CD4: variants seen among roughly 807,000 people sequenced by gnomAD.
CD4 encodes T-cell surface glycoprotein CD4.
CD4 carries 25 observed loss-of-function variants against 50.5 expected under a neutral mutation model. The observed-to-expected ratio is 0.49, with a 90% confidence interval of 0.36 to 0.69. The LOEUF is 0.69. CD4 is among the 30% of genes least tolerant of loss of function. The probability of loss-of-function intolerance (pLI) is 0.00; values close to 1 mark genes in which losing one functional copy is unlikely to be tolerated. For missense variants in CD4, 456 were observed against 548.5 expected, an observed-to-expected ratio of 0.83 and a Z score of 1.68; for synonymous variants, 207 against 221.9, an observed-to-expected ratio of 0.93 and a Z score of 0.60.
chr12:6,794,009 C>T (rs1942284874), intron 1 of CD4, among the ~76,000 whole-genome samples: 1 of 91,044 alleles, frequency 1.1e-5, no homozygotes, highest in African/African-American at 3.3e-5. Flanking sequence ...TATCTATCAC[C>T]TATCTATCTA....
Position 6,816,289 on chromosome 12 carries a change from C to T in CD4, c.841C>T (p.His281Tyr). 1.9e-6 allele frequency: 3 copies of T among 1,614,222 alleles called. No individual in the cohort carries two copies. Among genetic ancestry groups the T allele is most frequent in the Non-Finnish European group, 2.5e-6 (3 of 1,180,026 alleles). ...KLQMGKKLPL[H>Y]LTLPQALPQY... ...CCAGATGGGCAAGAAGCTCCCGCTCCACCTCACCCTGCCCCAGGCCTTGCC... is the reference window on the plus strand; with the variant it reads ...CCAGATGGGCAAGAAGCTCCCGCTCTACCTCACCCTGCCCCAGGCCTTGCC... The change falls in exon 6 of 10, where the codon CAC becomes TAC. Residue 281 changes from histidine to tyrosine, a missense_variant. Coordinates refer to ENST00000011653, the MANE Select transcript of CD4 (RefSeq NM_000616.5). The surrounding 1 kb of genome is among the most constrained non-coding windows in gnomAD (Gnocchi z 4.9).
intron 1 of CD4, 82 bp from the exon 2 acceptor site, chr12:6,799,990 C>A (rs1185038989): frequency 7.2e-6 from 5 of 691,968 alleles, no homozygotes; most frequent in Non-Finnish European, 7.7e-6. Flanking sequence ...CTGCAAGGGT[C>A]CTGAGGGAGA....
chr12:6,807,185 AAAC>A (rs1555116325), intron 3 of CD4, among the ~76,000 whole-genome samples: 10 of 130 alleles, frequency 0.077, no homozygotes, highest in African/African-American at 0.26. Flanking sequence ...AAAAACAAAC[AAAC>A]AAAAAACATG....
intron 3 of CD4, among the ~76,000 whole-genome samples, chr12:6,813,124 G>A (rs1206308785): frequency 6.6e-6 from 1 of 151,830 alleles, no homozygotes; most frequent in Non-Finnish European, 1.5e-5. Flanking sequence ...AGACTGGAGT[G>A]CAGTGGTGCC....
chr12:6,797,900 C>T (rs1942419085), intron 1 of CD4, among the ~76,000 whole-genome samples: 1 of 152,138 alleles, frequency 6.6e-6, no homozygotes, highest in Non-Finnish European at 1.5e-5. Context: ...AGACAGATGC[C>T]TTCCTCTTAT....
intron 3 of CD4, among the ~76,000 whole-genome samples, chr12:6,810,112 A>C (rs1942893122): frequency 6.6e-6 from 1 of 150,604 alleles, no homozygotes; most frequent in South Asian, 2.1e-4. Context: ...CTGGTCTTGA[A>C]CTCCTGCCCT....
At chr12:6,806,156 T>TACACACAC (rs56979845) in intron 3 of CD4, among the ~76,000 whole-genome samples, 1 of 107,410 alleles carries the variant, frequency 9.3e-6, no homozygotes, top group Non-Finnish European at 2.1e-5. Flanking sequence ...AAAAGGTACA[T>TACACACAC]ACACACACAC....
At chr12:6,800,591 C>T in intron 3 of CD4, 120 bp downstream of exon 3, 1 of 788,182 alleles carries the variant, frequency 1.3e-6, no homozygotes, top group Non-Finnish European at 2.0e-6. Context: ...TTGACAGAAA[C>T]TCAGTGGCAT....
In CD4 at chr12:6,816,788, G is replaced by C. The variant is rs1189134841; in HGVS notation, c.956-342G>C. Among the ~76,000 whole-genome samples the C allele has an allele frequency of 3.3e-5, 5 of 152,162 alleles. No individual in the cohort carries two copies. Among genetic ancestry groups the C allele is most frequent in the Non-Finnish European group, 5.9e-5 (4 of 68,016 alleles). ...TGTCAAGCTCCAAATTGAGTTTCTG[G>C]CTTCCTTATCTCCTTATCATCATAA... is the stretch of plus-strand genomic sequence containing the variant. On this transcript the variant is annotated intron_variant, in intron 6 of 9. Transcript: ENST00000011653. This position sits in a 1 kb window ranked among gnomAD's most constrained non-coding sequence, Gnocchi z 4.9.
At position 6,816,031 on chromosome 12, in the gene CD4, A is replaced by G. The variant is rs782604751; in HGVS notation, c.608-25A>G. 1.9e-5 allele frequency: 31 copies of G among 1,613,536 alleles called. No individual in the cohort carries two copies. The highest frequency in any genetic ancestry group is 2.6e-5 in the Non-Finnish European group (31 of 1,179,896). On this transcript the variant is annotated intron_variant, in intron 5 of 9. Coordinates refer to ENST00000011653, the MANE Select transcript of CD4 (RefSeq NM_000616.5). This position sits in a 1 kb window ranked among gnomAD's most constrained non-coding sequence, Gnocchi z 4.9. ...CCCTCATCTTCCTATCTCCTCACCC[A>G]GGGTCTCTCCCTTCCCACCTCCAGC... is the stretch of plus-strand genomic sequence containing the variant.
intron 1 of CD4, among the ~76,000 whole-genome samples, chr12:6,793,682 ATC>A (rs1565488088): frequency 2.1e-5 from 2 of 95,628 alleles, no homozygotes; most frequent in Admixed American, 1.0e-4. Context: ...CTATCTATCT[ATC>A]TATCTATCTA....
At chr12:6,805,991 A>T (rs978144428) in intron 3 of CD4, among the ~76,000 whole-genome samples, 21 of 151,876 alleles carry the variant, frequency 1.4e-4, no homozygotes, top group Non-Finnish European at 2.2e-4. Flanking sequence ...TTGCTCTGCA[A>T]AATCCCTATT....
At chr12:6,814,096 G>T in intron 3 of CD4, 46 bp from the exon 4 acceptor site, 2 of 1,569,440 alleles carry the variant, frequency 1.3e-6, no homozygotes, top group Middle Eastern at 1.7e-4. Flanking sequence ...GAGGTGCCCT[G>T]TCTCCAGGGC....
intron 1 of CD4, among the ~76,000 whole-genome samples, chr12:6,797,183 C>T (rs2707206): frequency 6.6e-6 from 1 of 152,128 alleles, no homozygotes; most frequent in Non-Finnish European, 1.5e-5. Flanking sequence ...TTGGGAATCG[C>T]TCCTCTAATC....
At chr12:6,811,431 A>G (rs1555116951) in intron 3 of CD4, among the ~76,000 whole-genome samples, 1 of 151,850 alleles carries the variant, frequency 6.6e-6, no homozygotes, top group Admixed American at 6.6e-5. Context: ...GCATAGCGAA[A>G]TAGCCTGAAT....
At chr12:6,793,216 G>A (rs921996989) in intron 1 of CD4, among the ~76,000 whole-genome samples, 1 of 152,172 alleles carries the variant, frequency 6.6e-6, no homozygotes, top group Non-Finnish European at 1.5e-5. Context: ...AGGCAGAACA[G>A]GGAGCTGGAG....
At chr12:6,810,910 T>C (rs1245125654) in intron 3 of CD4, among the ~76,000 whole-genome samples, 1 of 151,894 alleles carries the variant, frequency 6.6e-6, no homozygotes, top group East Asian at 1.9e-4. Flanking sequence ...AGTGTGAAAC[T>C]GAAGGTGTGG....
intron 2 of CD4, 53 bp from the exon 3 acceptor site, chr12:6,800,254 G>A: frequency 1.2e-6 from 2 of 1,612,276 alleles, no homozygotes; most frequent in Middle Eastern, 1.7e-4. Flanking sequence ...GGAGGATGGG[G>A]TAGAGGGGGA....
At position 6,800,481 on chromosome 12, in the gene CD4, C is replaced by G; in HGVS notation, c.214+10C>G. ...TCCTTCTTAACTAAAGGTAGGGTTG[C>G]CTGGCTCCCCATCCAGGGAGGAAAA... On this transcript the variant is annotated intron_variant, in intron 3 of 9. Coordinates refer to ENST00000011653, the MANE Select transcript of CD4 (RefSeq NM_000616.5). The G allele has an allele frequency of 1.2e-6, 2 of 1,608,396 alleles. No homozygotes were observed. Among genetic ancestry groups the G allele is most frequent in the Non-Finnish European group, 1.7e-6 (2 of 1,177,650 alleles).
Sources: gnomAD v4.1 joint callset for allele counts (sites outside exome capture counted in the v4.1 genomes callset) on GRCh38, gnomAD v4.1.1 for gene constraint, Gnocchi (gnomAD v3.1) non-coding constraint, MANE v1.5 for transcripts, NCBI Gene and HGNC (gene_info 2026-07-23, HGNC 2026-07-21) for gene names.